ST18: variants seen among roughly 807,000 people sequenced by gnomAD.
The protein encoded by ST18 is suppression of tumorigenicity 18 protein.
In ST18, 50 loss-of-function variants were observed where a neutral mutation model predicts 110.0. That is an observed-to-expected ratio of 0.45 (90% CI 0.36 to 0.58). The LOEUF (loss-of-function observed/expected upper bound fraction) is 0.58, where lower values mean the gene tolerates loss of function less well. Ranked by LOEUF, ST18 falls within the 20% of genes least tolerant of loss-of-function variation. ST18 has a pLI of 0.00. For synonymous variants in ST18, 461 were observed against 452.4 expected, an observed-to-expected ratio of 1.02 and a Z score of -0.24; for missense variants, 1,306 against 1,280.1, an observed-to-expected ratio of 1.02 and a Z score of -0.31.
At chr8:52,294,366 T>C (rs2095600222) in intron 2 of ST18, 1 of 152,140 alleles carries the variant, frequency 6.6e-6, no homozygotes, top group Non-Finnish European at 1.5e-5. Context: ...TCATGCATAA[T>C]AACTGCCTTG....
chr8:52,303,026 A>C (rs1322144674), intron 2 of ST18, among the ~76,000 whole-genome samples: 1 of 152,252 alleles, frequency 6.6e-6, no homozygotes, highest in Non-Finnish European at 1.5e-5. Flanking sequence ...TTATTTATTA[A>C]AAAGGAAAAA....
chr8:52,261,880 T>C (rs1027042513), intron 2 of ST18, among the ~76,000 whole-genome samples: 3 of 152,140 alleles, frequency 2.0e-5, no homozygotes, highest in African/African-American at 7.2e-5. Context: ...AAAAAGGAAA[T>C]TCAGTGATCC....
chr8:52,135,971 A>G lies in ST18; in HGVS notation c.2300+619T>C, dbSNP rs2052069088. 3.3e-5 allele frequency among the ~76,000 whole-genome samples: 5 copies of G among 152,304 alleles called. No individual in the cohort carries two copies. The South Asian group carries it at 1.0e-3, about 32-fold the overall frequency. ...CTTTATCTTTTAAAATTTATGCCCT[A>G]TCATATTTTTAAGGACTAAAAGGTA... On this transcript the variant is annotated intron_variant, in intron 19 of 25. Coordinates refer to ENST00000689386, the MANE Select transcript of ST18 (RefSeq NM_001352837.2).
chr8:52,240,582 C>A (rs145637502), intron 2 of ST18, among the ~76,000 whole-genome samples: 1 of 152,300 alleles, frequency 6.6e-6, no homozygotes, highest in African/African-American at 2.4e-5. Flanking sequence ...TCTTCCATAT[C>A]TTAAAACTTT....
intron 8 of ST18, among the ~76,000 whole-genome samples, chr8:52,184,380 T>C (rs2071144546): frequency 6.6e-6 from 1 of 152,232 alleles, no homozygotes; most frequent in African/African-American, 2.4e-5. Flanking sequence ...GTTTTGACTG[T>C]ATTAAAATCT....
In ST18 at chr8:52,171,940, C is replaced by T; in HGVS notation, c.921G>A (p.Glu307=). 1 of 1,614,202 alleles carries T rather than the reference C, an allele frequency of 6.2e-7. No individual in the cohort carries two copies. Among genetic ancestry groups the T allele is most frequent in the Non-Finnish European group, 8.5e-7 (1 of 1,180,032 alleles). Residue 307 remains glutamate, a synonymous_variant, in exon 10 of 26, where the codon GAG becomes GAA. Coordinates refer to ENST00000689386, the MANE Select transcript of ST18 (RefSeq NM_001352837.2). ...GCTCAGCCTGCAGAGCAATTGCCTG[C>T]TCCAGCAAACTTAAATTCCCCTTGG... ...EKAKGNLSLL[E]QAIALQAERG... is the part of the protein sequence containing the mutation.
At chr8:52,229,068 C>A (rs1358424549) in intron 3 of ST18, among the ~76,000 whole-genome samples, 1 of 152,138 alleles carries the variant, frequency 6.6e-6, no homozygotes, top group Non-Finnish European at 1.5e-5. Context: ...TCAACAAAAT[C>A]AATATTCCAA....
chr8:52,161,653 T>A, intron 13 of ST18, 85 bp from the exon 14 acceptor site: 1 of 1,449,682 alleles, frequency 6.9e-7, no homozygotes, highest in Non-Finnish European at 9.4e-7. Context: ...AGTAGATACA[T>A]GTGTCACTCC....
intron 2 of ST18, among the ~76,000 whole-genome samples, chr8:52,274,629 C>A (rs1351425677): frequency 6.6e-6 from 1 of 151,620 alleles, no homozygotes; most frequent in Non-Finnish European, 1.5e-5. Flanking sequence ...TCTTCAACAC[C>A]TTAATTCATG....
At chr8:52,182,361 C>T (rs2070108568) in intron 8 of ST18, among the ~76,000 whole-genome samples, 1 of 152,150 alleles carries the variant, frequency 6.6e-6, no homozygotes, top group African/African-American at 2.4e-5. Context: ...ATGTTCATTG[C>T]AACTATCCCC....
chr8:52,287,928 G>A lies in ST18; in HGVS notation c.-464-57851C>T, dbSNP rs2095495340. ...CCAGGGACCAAGCTGAAAGCTCTAAGATCCACTGAAGCAGCTCTGAGCAGT... is the reference window on the plus strand; with the variant it reads ...CCAGGGACCAAGCTGAAAGCTCTAAAATCCACTGAAGCAGCTCTGAGCAGT... On this transcript the variant is annotated intron_variant, in intron 2 of 25. Coordinates refer to ENST00000689386, the MANE Select transcript of ST18 (RefSeq NM_001352837.2). 2.0e-5 allele frequency among the ~76,000 whole-genome samples: 3 copies of A among 152,320 alleles called. No individual in the cohort carries two copies. The South Asian group carries it at 6.2e-4, about 32-fold the overall frequency.
chr8:52,336,944 A>G (rs948726939), intron 2 of ST18, among the ~76,000 whole-genome samples: 2 of 152,166 alleles, frequency 1.3e-5, no homozygotes, highest in African/African-American at 4.8e-5. Flanking sequence ...TTCATAAAAT[A>G]TTTTTTCTAT....
intron 3 of ST18, among the ~76,000 whole-genome samples, chr8:52,223,757 A>C (rs1008846505): frequency 6.6e-6 from 1 of 152,202 alleles, no homozygotes; most frequent in African/African-American, 2.4e-5. Flanking sequence ...GTTTAACATG[A>C]AATGGATGTA....
At chr8:52,164,805 G>A (rs781459998) in intron 12 of ST18, among the ~76,000 whole-genome samples, 11 of 152,180 alleles carry the variant, frequency 7.2e-5, no homozygotes, top group Non-Finnish European at 1.5e-4. Context: ...TCTTTGCAAT[G>A]TCAAAACAGC....
At chr8:52,367,920 G>A (rs777297080) in intron 2 of ST18, among the ~76,000 whole-genome samples, 28 of 152,194 alleles carry the variant, frequency 1.8e-4, no homozygotes, top group Non-Finnish European at 1.5e-4. Flanking sequence ...GATTGACTTT[G>A]TAAAAATTAG....
At chr8:52,389,944 A>G (rs1394349664) in intron 2 of ST18, among the ~76,000 whole-genome samples, 1 of 152,106 alleles carries the variant, frequency 6.6e-6, no homozygotes, top group Admixed American at 6.5e-5. Context: ...AACAACAACA[A>G]CAACAACAAA....
At chr8:52,331,486 T>A (rs1809384141) in intron 2 of ST18, among the ~76,000 whole-genome samples, 1 of 152,070 alleles carries the variant, frequency 6.6e-6, no homozygotes, top group African/African-American at 2.4e-5. Context: ...TAACCAAGAC[T>A]TGACATACCC....
At chr8:52,366,544 C>A (rs1828008730) in intron 2 of ST18, among the ~76,000 whole-genome samples, 1 of 152,120 alleles carries the variant, frequency 6.6e-6, no homozygotes, top group Non-Finnish European at 1.5e-5. Flanking sequence ...AGGACCTTGG[C>A]ACTTGCTATT....
chr8:52,251,366 T>C (rs2094297534), intron 2 of ST18, among the ~76,000 whole-genome samples: 1 of 152,130 alleles, frequency 6.6e-6, no homozygotes, highest in Non-Finnish European at 1.5e-5. Context: ...TGTGTATGTA[T>C]AGATGTATAT....
Sources: gnomAD v4.1 joint callset for allele counts (sites outside exome capture counted in the v4.1 genomes callset) on GRCh38, gnomAD v4.1.1 for gene constraint, MANE v1.5 for transcripts, NCBI Gene and HGNC (gene_info 2026-07-23, HGNC 2026-07-21) for gene names.